The following DIAPH2 variants were observed in gnomAD, a reference collection of about 807,000 sequenced individuals.
DIAPH2 encodes diaphanous related formin 2, also known as protein diaphanous homolog 2.
A neutral mutation model predicts 92.7 loss-of-function variants in DIAPH2; 35 were observed. That is an observed-to-expected ratio of 0.38 (90% confidence interval 0.29 to 0.50). The LOEUF is 0.50. DIAPH2 is among the 20% of genes least tolerant of loss of function. DIAPH2 has a pLI of 0.94. For synonymous variants in DIAPH2, 301 were observed against 280.4 expected, an observed-to-expected ratio of 1.07 and a Z score of -0.73; for missense variants, 701 against 819.5, an observed-to-expected ratio of 0.86 and a Z score of 1.77.
At chrX:96,695,533 C>T (rs924598519) in intron 1 of DIAPH2, among the ~76,000 whole-genome samples, 1 of 111,553 alleles carries the variant, frequency 9.0e-6, no homozygotes, top group Non-Finnish European at 1.9e-5. Context: ...TTTAAATGGC[C>T]ATTATCTCTG....
chrX:97,099,851 A>G (rs2066894890), intron 20 of DIAPH2, 56 bp downstream of exon 20: 1 of 612,193 alleles, frequency 1.6e-6, no homozygotes, highest in Non-Finnish European at 2.4e-6. Flanking sequence ...CACTTGCCAG[A>G]AACAGTGAAA....
At chrX:96,882,959 C>CA (rs1211958338) in intron 5 of DIAPH2, among the ~76,000 whole-genome samples, 10,683 of 31,452 alleles carry the variant, frequency 0.34, 1,606 homozygotes, top group African/African-American at 0.39. Flanking sequence ...ACCCTGTCTC[C>CA]AAAAAAAAAA....
chrX:96,716,214 T>G (rs2063949456), intron 1 of DIAPH2, among the ~76,000 whole-genome samples: 3 of 111,909 alleles, frequency 2.7e-5, no homozygotes, highest in African/African-American at 9.7e-5. Context: ...CCTTTAGGAT[T>G]GTTTGGGAAC....
At chrX:96,718,353 T>G (rs1256673606) in intron 1 of DIAPH2, among the ~76,000 whole-genome samples, 9 of 63,194 alleles carry the variant, frequency 1.4e-4, no homozygotes, top group East Asian at 4.6e-4. Context: ...TTTTTTTTTT[T>G]TTTTTTTTTT....
intron 19 of DIAPH2, among the ~76,000 whole-genome samples, chrX:97,095,783 G>C (rs1469897971): frequency 3.6e-5 from 4 of 111,922 alleles, no homozygotes; most frequent in East Asian, 2.8e-4. Flanking sequence ...AGTTAAAAGC[G>C]TGTGGTCTAT....
intron 4 of DIAPH2, among the ~76,000 whole-genome samples, chrX:96,787,090 A>G (rs1236723856): frequency 8.9e-6 from 1 of 111,904 alleles, no homozygotes; most frequent in African/African-American, 3.3e-5. Flanking sequence ...AGGAAAAATT[A>G]TGGCTACTTC....
At chrX:96,839,199 G>C (rs1311463468) in intron 4 of DIAPH2, among the ~76,000 whole-genome samples, 1 of 111,391 alleles carries the variant, frequency 9.0e-6, no homozygotes, top group Admixed American at 9.6e-5. Flanking sequence ...AGATGGGCTA[G>C]ATTGAAACCA....
chrX:97,146,033 T>C (rs202077165), intron 22 of DIAPH2, among the ~76,000 whole-genome samples: 3 of 87,359 alleles, frequency 3.4e-5, no homozygotes, highest in Non-Finnish European at 7.1e-5. Flanking sequence ...TTTTTTTTTT[T>C]ACTAAAGCCT....
At chrX:97,342,252 T>A (rs1017340343) in intron 23 of DIAPH2, among the ~76,000 whole-genome samples, 1 of 111,951 alleles carries the variant, frequency 8.9e-6, no homozygotes, top group East Asian at 2.8e-4. Context: ...ATAAAAGGGA[T>A]TTCAGGTTTT....
At position 96,962,478 on chromosome X, in the gene DIAPH2, TAC is replaced by T. The variant is rs1159716286; in HGVS notation, c.1936-2597_1936-2596del. 2.7e-3 allele frequency among the ~76,000 whole-genome samples: 69 copies of T among 25,208 alleles called. 1 individual carries two copies. Among genetic ancestry groups the T allele is most frequent in the African/African-American group, 4.9e-3 (37 of 7,614 alleles). 21.9% of individuals were successfully genotyped at this position (25,208 alleles called of 115,157 possible). The stretch of plus-strand genomic sequence containing the variant: ...ACACATATATATATACATATATATA[TAC>T]ACACACACACACACACATATATATA... On this transcript the variant is annotated intron_variant, in intron 16 of 26. Transcript: ENST00000324765.
At chrX:97,063,258 C>T (rs888211837) in intron 17 of DIAPH2, among the ~76,000 whole-genome samples, 4 of 102,692 alleles carry the variant, frequency 3.9e-5, no homozygotes, top group Non-Finnish European at 8.1e-5. Context: ...CAGCCAGCAA[C>T]AAACAAATTG....
chrX:97,458,940 GT>G (rs1373539667), intron 26 of DIAPH2, among the ~76,000 whole-genome samples: 116 of 111,651 alleles, frequency 1.0e-3, no homozygotes, highest in African/African-American at 3.6e-3. Context: ...ATAGGTGCTG[GT>G]CATGGGGATC....
chrX:97,229,278 T>C (rs2067989265), intron 22 of DIAPH2, among the ~76,000 whole-genome samples: 1 of 112,055 alleles, frequency 8.9e-6, no homozygotes, highest in Non-Finnish European at 1.9e-5. Flanking sequence ...GGTTTTAATT[T>C]TAACTCATTG....
At chrX:97,154,131 T>C (rs1406042052) in intron 22 of DIAPH2, among the ~76,000 whole-genome samples, 1 of 111,580 alleles carries the variant, frequency 9.0e-6, no homozygotes, top group African/African-American at 3.3e-5. Flanking sequence ...TGTTTCTTAA[T>C]TATGCATTTG....
Position 97,514,328 on chromosome X carries a change from A to C in DIAPH2, c.3241+84583A>C, listed in dbSNP as rs866862360. Among the ~76,000 whole-genome samples the C allele has an allele frequency of 7.2e-3, 805 of 111,360 alleles. 4 individuals carry two copies. The highest frequency in any genetic ancestry group is 0.013 in the Non-Finnish European group (664 of 52,570). On this transcript the variant is annotated intron_variant, in intron 26 of 26. Transcript: ENST00000324765. ...GGCTCCTGAGGCTTCTGCATTCTTC[A>C]CGTAGTTCTCGAGCCTTGGTTTTCA... is the stretch of plus-strand genomic sequence containing the variant.
rs759865254 is a variant in DIAPH2 at position 97,357,758 on chromosome X, C to T, written c.3009+9478C>T. Among the ~76,000 whole-genome samples, 63 of 111,910 alleles carry T rather than the reference C, an allele frequency of 5.6e-4. 1 individual carries two copies. Among genetic ancestry groups the T allele is most frequent in the African/African-American group, 2.0e-3 (62 of 30,832 alleles). On this transcript the variant is annotated intron_variant, in intron 24 of 26. Coordinates refer to ENST00000324765, the MANE Select transcript of DIAPH2 (RefSeq NM_006729.5). ...CAAAATATTTGCTCTCCAGAGCTCA[C>T]ATTCTAGTGGGAAAGGCAGTGAAAG...
chrX:97,091,390 C>G, intron 19 of DIAPH2, among the ~76,000 whole-genome samples: 1 of 110,636 alleles, frequency 9.0e-6, no homozygotes, highest in Non-Finnish European at 1.9e-5. Flanking sequence ...ATCTTCTCAC[C>G]TTGGCTTCCC....
chrX:97,363,350 T>G (rs1037134074), intron 24 of DIAPH2, among the ~76,000 whole-genome samples: 2 of 111,198 alleles, frequency 1.8e-5, no homozygotes, highest in African/African-American at 6.5e-5. Flanking sequence ...CAAAACAGTA[T>G]TTTTGCTATT....
At chrX:97,057,468 C>G (rs970093257) in intron 17 of DIAPH2, among the ~76,000 whole-genome samples, 3 of 111,490 alleles carry the variant, frequency 2.7e-5, no homozygotes, top group African/African-American at 9.8e-5. Context: ...AAAAAGCCAC[C>G]TGTTGTCGTA....
Sources: gnomAD v4.1 joint callset for allele counts (sites outside exome capture counted in the v4.1 genomes callset) on GRCh38, gnomAD v4.1.1 for gene constraint, MANE v1.5 for transcripts, NCBI Gene and HGNC (gene_info 2026-07-23, HGNC 2026-07-21) for gene names.